MAP2K5: variants seen among roughly 807,000 people sequenced by gnomAD.
MAP2K5 encodes the protein mitogen-activated protein kinase kinase 5, also known as dual specificity mitogen-activated protein kinase kinase 5.
A neutral mutation model predicts 83.1 loss-of-function variants in MAP2K5; 49 were observed. The ratio of observed to expected loss-of-function variants is 0.59; its 90% CI spans 0.47 to 0.75. The LOEUF is 0.75. MAP2K5 is among the 30% of genes least tolerant of loss of function. The probability of loss-of-function intolerance (pLI) is 0.00; values close to 1 mark genes in which losing one functional copy is unlikely to be tolerated. For missense variants in MAP2K5, 457 were observed against 557.5 expected (o/e 0.82, Z 1.82); for synonymous variants, 202 against 191.8 (o/e 1.05, Z -0.44).
intron 13 of MAP2K5, among the ~76,000 whole-genome samples, chr15:67,682,983 TAAC>T (rs2087859072): frequency 6.6e-6 from 1 of 151,260 alleles, no homozygotes; most frequent in East Asian, 2.0e-4. Flanking sequence ...CTACTAAAAA[TAAC>T]AAAAACTAGC....
chr15:67,731,324 G>C (rs967798494), intron 17 of MAP2K5, among the ~76,000 whole-genome samples: 8 of 152,178 alleles, frequency 5.3e-5, no homozygotes, highest in African/African-American at 1.7e-4. Context: ...GTGTTGGGAA[G>C]ATACTAGGGA....
intron 17 of MAP2K5, among the ~76,000 whole-genome samples, chr15:67,745,961 T>A (rs912093511): frequency 7.9e-5 from 12 of 152,206 alleles, no homozygotes; most frequent in Admixed American, 7.9e-4. Context: ...ATCAAAACTG[T>A]ATAATAAAAC....
chr15:67,686,331 G>T (rs1390520448), intron 13 of MAP2K5, among the ~76,000 whole-genome samples: 2 of 152,030 alleles, frequency 1.3e-5, no homozygotes, highest in Non-Finnish European at 2.9e-5. Context: ...ACATGGCCAG[G>T]CGCGATGGCT....
rs1374814647 is a variant in MAP2K5 at position 67,561,860 on chromosome 15, C to T, written c.185-1423C>T. On this transcript the variant is annotated intron_variant, in intron 2 of 21. Transcript: ENST00000178640. The surrounding 1 kb of genome is among the most constrained non-coding windows in gnomAD (Gnocchi z 4.2). ...AAGCAGGGGGATATCCTTGGAACTA[C>T]AGCCAGACAGGAGGGAAGACCCACT... is the stretch of plus-strand genomic sequence containing the variant. Among the ~76,000 whole-genome samples, 1 of 152,180 alleles carries T rather than the reference C, an allele frequency of 6.6e-6. No homozygotes were observed. The highest frequency in any genetic ancestry group is 1.5e-5 in the Non-Finnish European group (1 of 68,020).
chr15:67,624,587 CTTTGTGTGTGTGTGTG>C (rs1410812473), intron 8 of MAP2K5, among the ~76,000 whole-genome samples: 1 of 135,092 alleles, frequency 7.4e-6, no homozygotes, highest in Non-Finnish European at 1.6e-5. Flanking sequence ...ATCACGATCT[CTTTGTGTGTGTGTGTG>C]TGTGTGTGTG....
chr15:67,728,853 G>A (rs1002737995), intron 17 of MAP2K5, among the ~76,000 whole-genome samples: 2 of 152,166 alleles, frequency 1.3e-5, no homozygotes, highest in African/African-American at 4.8e-5. Context: ...AATAGGATGG[G>A]GCTCATTCTC....
intron 9 of MAP2K5, among the ~76,000 whole-genome samples, chr15:67,641,883 C>A (rs573530466): frequency 6.6e-6 from 1 of 152,318 alleles, no homozygotes; most frequent in Admixed American, 6.5e-5. Flanking sequence ...TTAAAGCTCA[C>A]TCACAAGAAT....
intron 13 of MAP2K5, chr15:67,670,424 C>T (rs1567349662): frequency 8.8e-6 from 4 of 455,532 alleles, no homozygotes; most frequent in South Asian, 4.7e-5. Flanking sequence ...TTTTAGCAAA[C>T]AAAGACCTGT....
At chr15:67,607,280 G>A (rs924624551) in intron 8 of MAP2K5, among the ~76,000 whole-genome samples, 1 of 152,150 alleles carries the variant, frequency 6.6e-6, no homozygotes, top group Admixed American at 6.5e-5. Context: ...GGATATTAAT[G>A]TTTTCAGAAA....
chr15:67,569,990 C>T lies in MAP2K5; in HGVS notation c.252+6640C>T, dbSNP rs559779392. Among the ~76,000 whole-genome samples, 4 of 152,230 alleles carry T rather than the reference C, an allele frequency of 2.6e-5. No individual in the cohort carries two copies. In the South Asian group the frequency reaches 8.3e-4, roughly 32 times the overall value. On this transcript the variant is annotated intron_variant, in intron 3 of 21. Transcript: ENST00000178640. The stretch of plus-strand genomic sequence containing the variant: ...AGAGGAATAGCAGAATTGCTACAGC[C>T]TAAAAATCAGGTGAAAGGTCAGTGT...
In MAP2K5 at chr15:67,775,105, A is replaced by T. The variant is rs190764400; in HGVS notation, c.1242+2353A>T. 1.1e-4 allele frequency among the ~76,000 whole-genome samples: 17 copies of T among 152,358 alleles called. No homozygotes were observed. The highest frequency in any genetic ancestry group is 3.6e-4 in the African/African-American group (15 of 41,586). Reference sequence around the variant, plus strand: ...TCTGGGCCATGCAGAGTGGGCACTTAGGTGGTGAGGTCACTGTTTATACCA... The same window carrying T: ...TCTGGGCCATGCAGAGTGGGCACTTTGGTGGTGAGGTCACTGTTTATACCA... On this transcript the variant is annotated intron_variant, in intron 21 of 21. Coordinates refer to ENST00000178640, the MANE Select transcript of MAP2K5 (RefSeq NM_145160.3). This position sits in a 1 kb window ranked among gnomAD's most constrained non-coding sequence, Gnocchi z 5.3.
In MAP2K5 at chr15:67,748,353, T is replaced by C. The variant is rs916107869; in HGVS notation, c.1101+96T>C. ...ATGCCTTGTTTTAAACTTAGCAAAT[T>C]GCATTTTGAAGAAAATGCAAACCTT... is the stretch of plus-strand genomic sequence containing the variant. On this transcript the variant is annotated intron_variant, in intron 18 of 21. Coordinates refer to ENST00000178640, the MANE Select transcript of MAP2K5 (RefSeq NM_145160.3). The surrounding 1 kb of genome is among the most constrained non-coding windows in gnomAD (Gnocchi z 4.0). The C allele has an allele frequency of 2.6e-6, 3 of 1,149,454 alleles. No homozygotes were observed. The African/African-American group carries it at 4.6e-5, about 18-fold the overall frequency. The allele number at this position is 1,149,454 out of a possible 1,614,324, so 71.2% of individuals were successfully genotyped here. A position where few individuals can be genotyped will look rare whatever the true frequency, so the allele number is the denominator to read the frequency against.
chr15:67,585,856 A>T, intron 4 of MAP2K5, 34 bp from the exon 5 acceptor site: 1 of 1,600,428 alleles, frequency 6.2e-7, no homozygotes, highest in Non-Finnish European at 8.6e-7. Flanking sequence ...AATGGCCCTG[A>T]TGTGTTCTAC....
intron 5 of MAP2K5, among the ~76,000 whole-genome samples, chr15:67,586,543 CT>C (rs1455404159): frequency 5.3e-5 from 8 of 152,152 alleles, no homozygotes; most frequent in African/African-American, 1.9e-4. Context: ...TCTTAATGTA[CT>C]TTTTGAACAT....
chr15:67,592,046 G>T (rs2085423767), intron 6 of MAP2K5, among the ~76,000 whole-genome samples: 1 of 146,170 alleles, frequency 6.8e-6, no homozygotes, highest in South Asian at 2.2e-4. Flanking sequence ...GGGAGGTGGA[G>T]GTTGTGGTGA....
intron 13 of MAP2K5, among the ~76,000 whole-genome samples, chr15:67,666,885 C>T (rs1401261548): frequency 1.3e-5 from 2 of 152,174 alleles, no homozygotes; most frequent in Non-Finnish European, 2.9e-5. Flanking sequence ...GAAAGACTAA[C>T]GAATTGCAGT....
rs1420251194 is a variant in MAP2K5 at position 67,778,211 on chromosome 15, G to A, written c.1242+5459G>A. On this transcript the variant is annotated intron_variant, in intron 21 of 21. Coordinates refer to ENST00000178640, the MANE Select transcript of MAP2K5 (RefSeq NM_145160.3). The surrounding 1 kb of genome is among the most constrained non-coding windows in gnomAD (Gnocchi z 5.0). ...AACTCCTCTAAATTAAATTGTCACT[G>A]GTAGCTTTTCTGCTTTTCCAAACCT... is the stretch of plus-strand genomic sequence containing the variant. Among the ~76,000 whole-genome samples the A allele has an allele frequency of 6.6e-6, 1 of 152,184 alleles. No individual in the cohort carries two copies. The highest frequency in any genetic ancestry group is 6.5e-5 in the Admixed American group (1 of 15,284).
In MAP2K5 at chr15:67,583,970, A is replaced by G. The variant is rs562502674; in HGVS notation, c.323-1920A>G. Among the ~76,000 whole-genome samples the G allele has an allele frequency of 3.7e-3, 534 of 143,612 alleles. 5 individuals are homozygous for G. The highest frequency in any genetic ancestry group is 0.014 in the African/African-American group (503 of 36,752). 94.2% of individuals were successfully genotyped at this position (143,612 alleles called of 152,430 possible). ...CACAGTGTTGCCCAGGCTGGTGTCA[A>G]ACTCCTGAGCTCAAGCAATCCTCCC... is the stretch of plus-strand genomic sequence containing the variant. On this transcript the variant is annotated intron_variant, in intron 4 of 21. Transcript: ENST00000178640.
intron 13 of MAP2K5, chr15:67,679,679 T>G (rs1235063471): frequency 1.3e-5 from 2 of 152,210 alleles, no homozygotes; most frequent in Non-Finnish European, 2.9e-5. Context: ...TAACTGATCT[T>G]TCATACTTTG....
Sources: allele counts gnomAD v4.1 joint callset (sites outside exome capture counted in the v4.1 genomes callset), GRCh38; gene constraint gnomAD v4.1.1; non-coding constraint Gnocchi (gnomAD v3.1); transcripts MANE v1.5; gene names NCBI Gene and HGNC (gene_info 2026-07-23, HGNC 2026-07-21).